CDH7: variants seen among roughly 807,000 people sequenced by gnomAD.
CDH7 encodes cadherin-7.
Under a neutral mutation model 71.8 loss-of-function variants are expected in CDH7, and 25 were observed. That is an observed-to-expected ratio of 0.35 (90% confidence interval 0.25 to 0.49). The LOEUF (loss-of-function observed/expected upper bound fraction) is 0.49, where lower values mean the gene tolerates loss of function less well. CDH7 is among the 20% of genes least tolerant of loss of function. CDH7 has a pLI of 0.99. For synonymous variants in CDH7, 381 were observed against 363.8 expected (o/e 1.05, Z -0.54); for missense variants, 862 against 974.6 (o/e 0.88, Z 1.54).
At position 65,868,823 on chromosome 18, in the gene CDH7, C is replaced by T. The variant is rs369144270; in HGVS notation, c.1864+5906C>T. On this transcript the variant is annotated intron_variant, in intron 11 of 11. Transcript: ENST00000397968. ...ACTAAGGTGAAATCATTCTCCCTCA[C>T]ATTTAAAGGAAATGAATTTTGTGAT... is the stretch of plus-strand genomic sequence containing the variant. Among the ~76,000 whole-genome samples, 12 of 152,282 alleles carry T rather than the reference C, an allele frequency of 7.9e-5. No homozygotes were observed. In the South Asian group the frequency reaches 1.2e-3, roughly 16 times the overall value.
rs201657602 is a variant in CDH7 at position 65,809,850 on chromosome 18, G to C, written c.357G>C (p.Thr119=). ...RLDREEQAYY[T]LRAQALDRLT... Reference sequence around the variant, plus strand: ...ATCGTGAGGAGCAGGCCTACTACACGCTCCGAGCTCAAGCGCTGGATAGGC... The same window carrying C: ...ATCGTGAGGAGCAGGCCTACTACACCCTCCGAGCTCAAGCGCTGGATAGGC... Residue 119 remains threonine, a synonymous_variant, in exon 3 of 12, where the codon ACG becomes ACC. Coordinates refer to ENST00000397968, the MANE Select transcript of CDH7 (RefSeq NM_004361.5). The C allele has an allele frequency of 6.2e-7, 1 of 1,613,836 alleles. No individual in the cohort carries two copies. Among genetic ancestry groups the C allele is most frequent in the Non-Finnish European group, 8.5e-7 (1 of 1,179,958 alleles).
At chr18:65,773,518 T>A (rs1334409155) in intron 2 of CDH7, among the ~76,000 whole-genome samples, 1 of 152,072 alleles carries the variant, frequency 6.6e-6, no homozygotes, top group Non-Finnish European at 1.5e-5. Context: ...AAAATACACA[T>A]TTCAGAGTCA....
chr18:65,763,066 A>T lies in CDH7; in HGVS notation c.210+14A>T. On this transcript the variant is annotated intron_variant, in intron 2 of 11. Coordinates refer to ENST00000397968, the MANE Select transcript of CDH7 (RefSeq NM_004361.5). The stretch of plus-strand genomic sequence containing the variant: ...TATGTAGGAAAGGTAGGGTATTGTG[A>T]CCTTTCAAAGTTGTAAATGATTATT... 6.4e-7 allele frequency: 1 copy of T among 1,568,848 alleles called. No individual in the cohort carries two copies. Among genetic ancestry groups the T allele is most frequent in the African/African-American group, 1.3e-5 (1 of 74,090 alleles).
chr18:65,791,561 C>G (rs369082470), intron 2 of CDH7, among the ~76,000 whole-genome samples: 2 of 152,166 alleles, frequency 1.3e-5, no homozygotes, highest in African/African-American at 2.4e-5. Flanking sequence ...ACCATGCTCT[C>G]CATTCCACTC....
chr18:65,850,580 TTTATTATTATTA>T (rs138534553), intron 7 of CDH7, among the ~76,000 whole-genome samples: 115,306 of 147,668 alleles, frequency 0.78, 49,034 homozygotes, highest in South Asian at 0.97. Flanking sequence ...CTGCAGAGGT[TTTATTATTATTA>T]TTATTATTAT....
chr18:65,775,248 C>T (rs1045312951), intron 2 of CDH7, among the ~76,000 whole-genome samples: 1 of 152,082 alleles, frequency 6.6e-6, no homozygotes. Context: ...CACTGTGGTG[C>T]TGGGTGTGGA....
intron 1 of CDH7, among the ~76,000 whole-genome samples, chr18:65,757,922 C>G (rs1273784607): frequency 6.6e-6 from 1 of 151,862 alleles, no homozygotes; most frequent in Non-Finnish European, 1.5e-5. Flanking sequence ...ATATGAAACT[C>G]AGATAGGAAA....
chr18:65,766,517 C>T (rs145883936), intron 2 of CDH7, among the ~76,000 whole-genome samples: 65 of 152,122 alleles, frequency 4.3e-4, no homozygotes, highest in African/African-American at 1.4e-3. Context: ...TGCTAGACTC[C>T]GATGGTGCAA....
chr18:65,806,532 T>A (rs1229884577), intron 2 of CDH7, among the ~76,000 whole-genome samples: 1 of 152,202 alleles, frequency 6.6e-6, no homozygotes, highest in East Asian at 1.9e-4. Flanking sequence ...GCGTTTATTT[T>A]GTTTATGTAC....
intron 1 of CDH7, among the ~76,000 whole-genome samples, chr18:65,759,005 A>G (rs1916111063): frequency 6.6e-6 from 1 of 152,134 alleles, no homozygotes; most frequent in African/African-American, 2.4e-5. Context: ...CCCTTCACAG[A>G]CATTATTTCA....
At chr18:65,848,542 G>T (rs1913015915) in intron 7 of CDH7, among the ~76,000 whole-genome samples, 1 of 66,620 alleles carries the variant, frequency 1.5e-5, no homozygotes, top group African/African-American at 5.1e-5. Flanking sequence ...GAGATGGCAA[G>T]ATTTGGGCAA....
chr18:65,788,647 C>T (rs557571143), intron 2 of CDH7, among the ~76,000 whole-genome samples: 2 of 152,292 alleles, frequency 1.3e-5, no homozygotes, highest in African/African-American at 2.4e-5. Flanking sequence ...AACACCACCT[C>T]GTGGACCAGA....
chr18:65,869,281 C>A (rs1169858083), intron 11 of CDH7, among the ~76,000 whole-genome samples: 1 of 151,486 alleles, frequency 6.6e-6, no homozygotes, highest in African/African-American at 2.4e-5. Context: ...AGAACCAATC[C>A]GTCAGTATTT....
intron 7 of CDH7, among the ~76,000 whole-genome samples, chr18:65,856,170 A>G (rs1217924006): frequency 6.6e-6 from 1 of 152,130 alleles, no homozygotes; most frequent in East Asian, 1.9e-4. Context: ...TCATCAAATG[A>G]CTGTAGACCC....
intron 2 of CDH7, among the ~76,000 whole-genome samples, chr18:65,782,767 A>G (rs929691158): frequency 2.6e-5 from 4 of 152,216 alleles, no homozygotes; most frequent in African/African-American, 9.6e-5. Context: ...ATTCATTAAC[A>G]TTAAACTCAC....
chr18:65,808,451 C>G (rs1911404749), intron 2 of CDH7, among the ~76,000 whole-genome samples: 1 of 152,134 alleles, frequency 6.6e-6, no homozygotes. Context: ...ATAATTCACA[C>G]TGAAAAAAGT....
chr18:65,811,469 G>A (rs904926364), intron 3 of CDH7, among the ~76,000 whole-genome samples: 1 of 152,140 alleles, frequency 6.6e-6, no homozygotes, highest in African/African-American at 2.4e-5. Context: ...ACTATAATTA[G>A]CACATATGTA....
chr18:65,837,012 A>G (rs779522074), intron 6 of CDH7, among the ~76,000 whole-genome samples: 50 of 152,300 alleles, frequency 3.3e-4, no homozygotes, highest in Non-Finnish European at 6.9e-4. Context: ...TTCTCCCCCC[A>G]TAACCCATAG....
In CDH7 at chr18:65,781,914, TTCTCTCTTTC is replaced by T. The variant is rs1439984455; in HGVS notation, c.210+18870_210+18879del. On this transcript the variant is annotated intron_variant, in intron 2 of 11. Transcript: ENST00000397968. The stretch of plus-strand genomic sequence containing the variant: ...TCTCTTTCTCTCTATCTTTCTCTCT[TTCTCTCTTTC>T]TCTCTCTCTCTCTCTCTCTCTTTCT... Among the ~76,000 whole-genome samples the T allele has an allele frequency of 8.5e-4, 56 of 65,582 alleles. 3 individuals carry two copies. Among genetic ancestry groups the T allele is most frequent in the Admixed American group, 9.1e-4 (7 of 7,652 alleles). 43.0% of individuals were successfully genotyped at this position (65,582 alleles called of 152,430 possible).
Sources: allele counts gnomAD v4.1 joint callset (sites outside exome capture counted in the v4.1 genomes callset), GRCh38; gene constraint gnomAD v4.1.1; transcripts MANE v1.5; gene names NCBI Gene and HGNC (gene_info 2026-07-23, HGNC 2026-07-21).